LTBP2: variants seen among roughly 807,000 people sequenced by gnomAD.
LTBP2 encodes the protein latent-transforming growth factor beta-binding protein 2.
A neutral mutation model predicts 210.6 loss-of-function variants in LTBP2; 103 were observed. That is an observed-to-expected ratio of 0.49 (90% CI 0.42 to 0.58). The LOEUF (loss-of-function observed/expected upper bound fraction) is 0.58. LTBP2 is among the 20% of genes least tolerant of loss of function. The pLI is 0.00. For synonymous variants in LTBP2, 1,007 were observed against 1,015.0 expected (o/e 0.99, Z 0.15); for missense variants, 2,313 against 2,494.5 (o/e 0.93, Z 1.55).
chr14:74,554,136 G>A (rs752049363), intron 4 of LTBP2, among the ~76,000 whole-genome samples: 37 of 152,136 alleles, frequency 2.4e-4, no homozygotes, highest in Non-Finnish European at 4.4e-4. Flanking sequence ...TCAAGATGGC[G>A]TGAAAGGAAT....
chr14:74,509,400 G>A (rs1266955210), intron 21 of LTBP2, 37 bp from the exon 22 acceptor site: 1 of 1,611,730 alleles, frequency 6.2e-7, no homozygotes, highest in Non-Finnish European at 8.5e-7. Flanking sequence ...GACCTAGGAG[G>A]GCTCCCACTC....
chr14:74,516,762 G>T (rs1048614587), intron 18 of LTBP2, 60 bp downstream of exon 18: 4 of 1,540,576 alleles, frequency 2.6e-6, no homozygotes, highest in Admixed American at 2.0e-5. Flanking sequence ...TGGGCAGTGC[G>T]TAGGGAGGGA....
Position 74,502,709 on chromosome 14 carries a change from A to G in LTBP2, c.5114T>C (p.Leu1705Pro), listed in dbSNP as rs763949360. Residue 1705 changes from leucine to proline, a missense_variant, in exon 34 of 36, where the codon CTT becomes CCT. By Grantham distance (98) the Leu-to-Pro change is moderately conservative (BLOSUM62 -3). This residue lies in a region of LTBP2 where 443 missense variants were observed against 501.4 expected (regional missense o/e 0.88). Coordinates refer to ENST00000261978, the MANE Select transcript of LTBP2 (RefSeq NM_000428.3). Reference sequence around the variant, plus strand: ...TTCTGAGGGCTGCAAAGGAGACTCAAGGATGGGTGTGCGGTCCGCTGAGTG... The same window carrying G: ...TTCTGAGGGCTGCAAAGGAGACTCAGGGATGGGTGTGCGGTCCGCTGAGTG... ...AGHSADRTPI[L>P]ESPLQPSELQ... 1.2e-6 allele frequency: 2 copies of G among 1,614,202 alleles called. No homozygotes were observed. The highest frequency in any genetic ancestry group is 4.5e-5 in the East Asian group (2 of 44,880).
At chr14:74,596,246 TAA>T (rs1371327484) in intron 2 of LTBP2, among the ~76,000 whole-genome samples, 8 of 148,806 alleles carry the variant, frequency 5.4e-5, no homozygotes, top group Non-Finnish European at 1.2e-4. Flanking sequence ...AATAAATAAA[TAA>T]ATAAATAAAT....
intron 1 of LTBP2, among the ~76,000 whole-genome samples, chr14:74,609,197 C>T (rs957505199): frequency 1.3e-5 from 2 of 152,136 alleles, no homozygotes; most frequent in Admixed American, 6.5e-5. Context: ...CTCAGGTCCT[C>T]CCCAGCTGAC....
Position 74,551,241 on chromosome 14 carries a change from C to T in LTBP2, c.1509G>A (p.Val503=), listed in dbSNP as rs920200550. The T allele has an allele frequency of 6.2e-7, 1 of 1,612,922 alleles. No homozygotes were observed. The highest frequency in any genetic ancestry group is 2.2e-5 in the East Asian group (1 of 44,844). Residue 503 remains valine, a synonymous_variant, in exon 7 of 36, where the codon GTG becomes GTA. Coordinates refer to ENST00000261978, the MANE Select transcript of LTBP2 (RefSeq NM_000428.3). ...GGGGTCTGGTCTCCACGCTGTTCTC[C>T]ACTAGGGCCTCCTCCACCCCGCCCC... ...QVRGGVEEAL[V]ENSVETRPPP... is the part of the protein sequence containing the mutation.
intron 16 of LTBP2, 39 bp downstream of exon 16, chr14:74,522,751 C>T: frequency 1.9e-6 from 3 of 1,592,248 alleles, no homozygotes; most frequent in Non-Finnish European, 2.6e-6. Flanking sequence ...TCCCATCTAC[C>T]CCAGCCGCCA....
In LTBP2 at chr14:74,502,768, G is replaced by A. The variant is rs764652187; in HGVS notation, c.5055C>T (p.Thr1685=). 2.0e-5 allele frequency: 32 copies of A among 1,614,172 alleles called. No homozygotes were observed. Among genetic ancestry groups the A allele is most frequent in the Middle Eastern group, 1.6e-4 (1 of 6,062 alleles). ...PFYNYLGPED[T]VPEPAFPNTA... ...TGTTGGGGAAGGCAGGCTCAGGGAC[G>A]GTGTCCTCGGGGCCCAGGTAGTTGT... Residue 1685 remains threonine (T), a synonymous_variant, in exon 34 of 36, where the codon ACC becomes ACT. Coordinates refer to ENST00000261978, the MANE Select transcript of LTBP2 (RefSeq NM_000428.3).
At chr14:74,605,976 C>T (rs2088520416) in intron 1 of LTBP2, among the ~76,000 whole-genome samples, 1 of 151,936 alleles carries the variant, frequency 6.6e-6, no homozygotes, top group Non-Finnish European at 1.5e-5. Flanking sequence ...GGTGCAGGCC[C>T]AGGGAGGTAA....
At chr14:74,580,948 G>A (rs1381917764) in intron 3 of LTBP2, among the ~76,000 whole-genome samples, 2 of 151,990 alleles carry the variant, frequency 1.3e-5, no homozygotes, top group African/African-American at 4.8e-5. Context: ...GTGAGACCCT[G>A]TCTCAAAAAA....
chr14:74,506,834 G>T lies in LTBP2; in HGVS notation c.3908-11C>A. The T allele has an allele frequency of 6.2e-7, 1 of 1,613,518 alleles. No homozygotes were observed. The highest frequency in any genetic ancestry group is 8.5e-7 in the Non-Finnish European group (1 of 1,179,916). On this transcript the variant is annotated splice_polypyrimidine_tract_variant and intron_variant, in intron 26 of 35. Coordinates refer to ENST00000261978, the MANE Select transcript of LTBP2 (RefSeq NM_000428.3). ...CGCACTCGTCTATGTCTGTGGGACA[G>T]TGGGAACCAGGATAGAGGATGTGTG...
At chr14:74,550,126 A>T (rs1373024375) in intron 7 of LTBP2, among the ~76,000 whole-genome samples, 161 bp from the exon 8 acceptor site, 1 of 152,230 alleles carries the variant, frequency 6.6e-6, no homozygotes, top group African/African-American at 2.4e-5. Context: ...CCCATATCCC[A>T]GAAGGAAGCA....
In LTBP2 at chr14:74,541,874, A is replaced by T. The variant is rs1250243465; in HGVS notation, c.1790-5874T>A. Among the ~76,000 whole-genome samples the T allele has an allele frequency of 9.2e-5, 14 of 152,344 alleles. No homozygotes were observed. In the East Asian group the frequency reaches 2.5e-3, roughly 27 times the overall value. The stretch of plus-strand genomic sequence containing the variant: ...AGTGCCGGGCAGAACTGACAAAGGA[A>T]ATGGTGTAGAACTCATCCTACCCCT... On this transcript the variant is annotated intron_variant, in intron 8 of 35. Transcript: ENST00000261978.
At chr14:74,525,381 A>G (rs1402685134) in intron 14 of LTBP2, among the ~76,000 whole-genome samples, 156 bp from the exon 15 acceptor site, 1 of 152,162 alleles carries the variant, frequency 6.6e-6, no homozygotes, top group Non-Finnish European at 1.5e-5. Context: ...ATCTGGCCCC[A>G]CTTAGAGAAT....
chr14:74,523,711 A>G (rs2087237045), intron 15 of LTBP2, among the ~76,000 whole-genome samples: 1 of 152,144 alleles, frequency 6.6e-6, no homozygotes, highest in South Asian at 2.1e-4. Context: ...TGGCACTTAG[A>G]ACATGCCAAA....
At position 74,528,984 on chromosome 14, in the gene LTBP2, C is replaced by T. The variant is rs769575144; in HGVS notation, c.2126G>A (p.Cys709Tyr). The T allele has an allele frequency of 6.2e-7, 1 of 1,610,502 alleles. No homozygotes were observed. The highest frequency in any genetic ancestry group is 8.5e-7 in the Non-Finnish European group (1 of 1,178,868). The change falls in exon 11 of 36, where the codon TGT (cysteine) becomes TAT (tyrosine). Residue 709 changes from cysteine to tyrosine, a missense_variant. By Grantham distance (194) the Cys-to-Tyr change is radical. Around this residue, in one of 3 missense-constraint regions of LTBP2, gnomAD observed 1,867 missense variants for 1,976.9 expected, o/e 0.94. Transcript: ENST00000261978. ...TGTGCCAGGCAGAGGGCATTTCTCA[C>T]ACTCGCTGCCCCATGCTTTGCCCAC... ...SRVGKAWGSE[C>Y]EKCPLPGTEA...
intron 3 of LTBP2, among the ~76,000 whole-genome samples, chr14:74,563,529 A>C (rs1444943955): frequency 6.6e-6 from 1 of 152,178 alleles, no homozygotes; most frequent in African/African-American, 2.4e-5. Flanking sequence ...TCCAAGATAC[A>C]CTGAAAAGTG....
intron 3 of LTBP2, among the ~76,000 whole-genome samples, chr14:74,576,258 C>G (rs1462074725): frequency 6.6e-6 from 1 of 152,164 alleles, no homozygotes. Context: ...CATCTCTCTG[C>G]TCTAGGAAGC....
chr14:74,541,817 C>T (rs2087512142), intron 8 of LTBP2, among the ~76,000 whole-genome samples: 1 of 152,002 alleles, frequency 6.6e-6, no homozygotes, highest in African/African-American at 2.4e-5. Flanking sequence ...TGATCAGATG[C>T]CTGGTAAGTG....
Sources: gnomAD v4.1 joint callset for allele counts (sites outside exome capture counted in the v4.1 genomes callset) on GRCh38, gnomAD v4.1.1 for gene constraint, gnomAD v4.1.1 regional missense constraint, MANE v1.5 for transcripts, NCBI Gene and HGNC (gene_info 2026-07-23, HGNC 2026-07-21) for gene names.